The following BIRC6 variants were observed in gnomAD, a reference collection of about 807,000 sequenced individuals.
The protein encoded by BIRC6 is dual E2 ubiquitin-conjugating enzyme/E3 ubiquitin-protein ligase BIRC6.
BIRC6 carries 98 observed loss-of-function variants against 503.3 expected under a neutral mutation model. The ratio of observed to expected loss-of-function variants is 0.19; its 90% CI spans 0.17 to 0.23. BIRC6 has a LOEUF of 0.23. Among genes scored for constraint, BIRC6 ranks in the 10% least tolerant of loss-of-function variants. BIRC6 has a pLI of 1.00. For missense variants in BIRC6, 5,360 were observed against 5,806.0 expected, an observed-to-expected ratio of 0.92 and a Z score of 2.50; for synonymous variants, 2,240 against 2,078.7, an observed-to-expected ratio of 1.08 and a Z score of -2.11.
chr2:32,598,455 C>G (rs1268337602), intron 69 of BIRC6, among the ~76,000 whole-genome samples: 1 of 151,962 alleles, frequency 6.6e-6, no homozygotes, highest in Non-Finnish European at 1.5e-5. Flanking sequence ...CATTTTCTGT[C>G]TTTTCTAGGA....
At chr2:32,551,026 A>T (rs1011258620) in intron 65 of BIRC6, among the ~76,000 whole-genome samples, 26 of 152,208 alleles carry the variant, frequency 1.7e-4, no homozygotes, top group African/African-American at 5.8e-4. Context: ...GGTTAATTCT[A>T]ATTGATATAT....
chr2:32,416,782 CT>C (rs1464850179), intron 10 of BIRC6, among the ~76,000 whole-genome samples: 1 of 148,924 alleles, frequency 6.7e-6, no homozygotes, highest in Non-Finnish European at 1.5e-5. Context: ...TTCCTTTCCC[CT>C]TTCCCCCTTT....
chr2:32,493,102 G>A (rs1233293678), intron 44 of BIRC6, among the ~76,000 whole-genome samples: 1 of 146,288 alleles, frequency 6.8e-6, no homozygotes, highest in East Asian at 2.0e-4. Context: ...TGCTTGCTTT[G>A]CTAGTTGTTA....
At chr2:32,489,265 T>C (rs541444599) in intron 42 of BIRC6, among the ~76,000 whole-genome samples, 125 of 152,204 alleles carry the variant, frequency 8.2e-4, no homozygotes, top group Non-Finnish European at 1.5e-3. Context: ...CCTGATGCTT[T>C]CTCTCTATAG....
rs201136788 is a variant in BIRC6, at chr2:32,379,793, AG to A, written c.508-359del. On this transcript the variant is annotated intron_variant, in intron 2 of 73. Coordinates refer to ENST00000421745, the MANE Select transcript of BIRC6 (RefSeq NM_016252.4). ...CTCTATTATGACTTTATATAGCTTGAGTATTTAAAGCTCATTGGAGGACTTT... is the reference window on the plus strand; with the variant it reads ...CTCTATTATGACTTTATATAGCTTGATATTTAAAGCTCATTGGAGGACTTT... Among the ~76,000 whole-genome samples, 851 of 152,280 alleles carry A rather than the reference AG, an allele frequency of 5.6e-3. 8 individuals are homozygous for A. The highest frequency in any genetic ancestry group is 0.019 in the African/African-American group (806 of 41,550).
At chr2:32,417,813 C>A (rs1246875859) in intron 10 of BIRC6, among the ~76,000 whole-genome samples, 1 of 152,114 alleles carries the variant, frequency 6.6e-6, no homozygotes, top group Non-Finnish European at 1.5e-5. Flanking sequence ...CAGAGTCTCA[C>A]CCTGTCAACA....
At chr2:32,423,120 G>A (rs553911869) in intron 10 of BIRC6, among the ~76,000 whole-genome samples, 3 of 152,116 alleles carry the variant, frequency 2.0e-5, no homozygotes, top group East Asian at 3.9e-4. Flanking sequence ...AAAACAGTTG[G>A]GGTTTCCCCA....
chr2:32,567,898 G>A (rs944294081), intron 65 of BIRC6, among the ~76,000 whole-genome samples: 2 of 152,092 alleles, frequency 1.3e-5, no homozygotes, highest in African/African-American at 2.4e-5. Context: ...TCAGGAAATC[G>A]AGACCATCCT....
chr2:32,413,605 C>G (rs1357128461), intron 9 of BIRC6, among the ~76,000 whole-genome samples: 1 of 151,688 alleles, frequency 6.6e-6, no homozygotes, highest in African/African-American at 2.4e-5. Context: ...AGATGTGAGC[C>G]ACCTGCCTGG....
Position 32,426,545 on chromosome 2 carries a change from A to G in BIRC6, c.2873-2601A>G, listed in dbSNP as rs967098819. ...CTTGAACCCAGGAGGCGGAGGTTGCAGTGAGCTGAGATCACACCATTGTAC... is the reference window on the plus strand; with the variant it reads ...CTTGAACCCAGGAGGCGGAGGTTGCGGTGAGCTGAGATCACACCATTGTAC... On this transcript the variant is annotated intron_variant, in intron 10 of 73. Coordinates refer to ENST00000421745, the MANE Select transcript of BIRC6 (RefSeq NM_016252.4). 4.6e-5 allele frequency among the ~76,000 whole-genome samples: 7 copies of G among 152,262 alleles called. No homozygotes were observed. In the East Asian group the frequency reaches 1.2e-3, roughly 25 times the overall value.
rs764470280 is a variant in BIRC6, at chr2:32,467,751, T to C, written c.5571+12T>C. 3.1e-6 allele frequency: 5 copies of C among 1,601,502 alleles called. No individual in the cohort carries two copies. Among genetic ancestry groups the C allele is most frequent in the Non-Finnish European group, 4.3e-6 (5 of 1,172,564 alleles). The stretch of plus-strand genomic sequence containing the variant: ...GCAGATTCATGAAGGTAAAGAACTT[T>C]AAGAAAGTAAATTGATACGCTTTCT... On this transcript the variant is annotated intron_variant, in intron 27 of 73. Transcript: ENST00000421745.
chr2:32,537,879 T>C (rs1572887100), intron 61 of BIRC6, among the ~76,000 whole-genome samples: 2 of 151,266 alleles, frequency 1.3e-5, no homozygotes, highest in Non-Finnish European at 2.9e-5. Context: ...GGCAGGAGAA[T>C]GGCCTGAACC....
intron 51 of BIRC6, among the ~76,000 whole-genome samples, chr2:32,509,504 C>T (rs1281056433): frequency 2.0e-5 from 3 of 152,120 alleles, no homozygotes; most frequent in Non-Finnish European, 1.5e-5. Flanking sequence ...CCACCTGCCT[C>T]GGCCTCCCAA....
chr2:32,357,275 C>A lies in BIRC6; in HGVS notation c.114C>A (p.Gly38=), dbSNP rs1187808415. The change falls in exon 1 of 74, where the codon GGC becomes GGA. Residue 38 remains glycine, a synonymous_variant. Transcript: ENST00000421745. The surrounding 1 kb of genome is among the most constrained non-coding windows in gnomAD (Gnocchi z 4.9). The part of the protein sequence containing the change: ...KMAAAAAAAS[G]PGCSSAAGAG... ...CGGCTGCGGCTGCGGCGGCCTCGGG[C>A]CCCGGCTGCTCCTCGGCGGCGGGGG... The A allele has an allele frequency of 1.3e-6, 2 of 1,524,146 alleles. No individual in the cohort carries two copies. Among genetic ancestry groups the A allele is most frequent in the Non-Finnish European group, 8.8e-7 (1 of 1,139,126 alleles). 94.4% of individuals were successfully genotyped at this position (1,524,146 alleles called of 1,614,324 possible).
intron 23 of BIRC6, among the ~76,000 whole-genome samples, chr2:32,455,117 G>T (rs996413826): frequency 1.3e-5 from 2 of 152,168 alleles, no homozygotes; most frequent in African/African-American, 4.8e-5. Context: ...GGTGGCTCAT[G>T]CCTGTAATCC....
At position 32,488,589 on chromosome 2, in the gene BIRC6, T is replaced by G; in HGVS notation, c.7970T>G (p.Leu2657Trp). Residue 2657 changes from leucine (L) to tryptophan (W), a missense_variant and splice_region_variant, in exon 42 of 74, where the codon TTG (leucine) becomes TGG (tryptophan). Coordinates refer to ENST00000421745, the MANE Select transcript of BIRC6 (RefSeq NM_016252.4). ...CTGTTGATTTTCATTCTTTTTCAGT[T>G]GGAGTCACTTCTCCAATTGTGGCTC... ...FSMLQVHHVQLESLLQLWLTL... is the reference protein window; with the variant it reads ...FSMLQVHHVQWESLLQLWLTL... The G allele has an allele frequency of 6.6e-7, 1 of 1,518,700 alleles. No homozygotes were observed. 94.1% of individuals were successfully genotyped at this position (1,518,700 alleles called of 1,614,324 possible).
At chr2:32,380,004 A>G (rs2037391921) in intron 2 of BIRC6, 149 bp from the exon 3 acceptor site, 1 of 476,694 alleles carries the variant, frequency 2.1e-6, no homozygotes, top group African/African-American at 2.0e-5. Flanking sequence ...TTATTGTTTA[A>G]TTAAGTAGAT....
chr2:32,514,834 A>C (rs1048011635), intron 54 of BIRC6, among the ~76,000 whole-genome samples, 156 bp from the exon 55 acceptor site: 6 of 152,190 alleles, frequency 3.9e-5, no homozygotes, highest in African/African-American at 1.4e-4. Flanking sequence ...GTCTATATAT[A>C]TATATATGCA....
At position 32,446,758 on chromosome 2, in the gene BIRC6, T is replaced by G. The variant is rs988595730; in HGVS notation, c.4484+1090T>G. 7.4e-3 allele frequency among the ~76,000 whole-genome samples: 1,023 copies of G among 138,376 alleles called. 2 individuals are homozygous for G. Among genetic ancestry groups the G allele is most frequent in the Non-Finnish European group, 0.011 (722 of 64,336 alleles). The allele number at this position is 138,376 out of a possible 152,430, so 90.8% of individuals were successfully genotyped here. The stretch of plus-strand genomic sequence containing the variant: ...GCGCTGTTTTTTTTTTTTTTTTTTT[T>G]TTTTTTTTTTTTTATTGATCATTCT... On this transcript the variant is annotated intron_variant, in intron 21 of 73. Transcript: ENST00000421745.
Sources: gnomAD v4.1 joint callset for allele counts (sites outside exome capture counted in the v4.1 genomes callset) on GRCh38, gnomAD v4.1.1 for gene constraint, Gnocchi (gnomAD v3.1) non-coding constraint, MANE v1.5 for transcripts, NCBI Gene and HGNC (gene_info 2026-07-23, HGNC 2026-07-21) for gene names.